The following SLC15A1 variants were observed in gnomAD, a reference collection of about 807,000 sequenced individuals.
SLC15A1 encodes the protein solute carrier family 15 member 1, also known as Caco-2 oligopeptide transporter.
SLC15A1 carries 83 observed loss-of-function variants against 92.9 expected under a neutral mutation model. That is an observed-to-expected ratio of 0.89 (90% CI 0.75 to 1.07). The LOEUF (loss-of-function observed/expected upper bound fraction) is 1.07. SLC15A1 is among the 50% of genes least tolerant of loss of function. SLC15A1 has a pLI of 0.00. For synonymous variants in SLC15A1, 322 were observed against 318.2 expected (o/e 1.01, Z -0.13); for missense variants, 857 against 880.1 (o/e 0.97, Z 0.33).
intron 10 of SLC15A1, 127 bp from the exon 11 acceptor site, chr13:98,712,070 T>A: frequency 1.5e-6 from 1 of 685,358 alleles, no homozygotes; most frequent in East Asian, 2.6e-5. Context: ...TGGGAGGTGA[T>A]TAATCCAAAA....
intron 21 of SLC15A1, 148 bp downstream of exon 21, chr13:98,687,433 C>T: frequency 2.2e-6 from 2 of 907,854 alleles, no homozygotes; most frequent in South Asian, 1.7e-5. Flanking sequence ...CACTTGGTGA[C>T]CTCAGAGACC....
intron 1 of SLC15A1, among the ~76,000 whole-genome samples, chr13:98,735,496 G>A (rs78520563): frequency 3.3e-5 from 5 of 152,288 alleles, no homozygotes; most frequent in African/African-American, 7.2e-5. Context: ...GGGCAATCAG[G>A]CAAGAGAAAG....
intron 1 of SLC15A1, among the ~76,000 whole-genome samples, chr13:98,731,885 T>G (rs1018187850): frequency 6.6e-6 from 1 of 152,192 alleles, no homozygotes; most frequent in African/African-American, 2.4e-5. Context: ...GAAGTGTAAA[T>G]CTGAGACTCA....
intron 4 of SLC15A1, among the ~76,000 whole-genome samples, chr13:98,724,708 T>A (rs1468054143): frequency 6.6e-6 from 1 of 152,054 alleles, no homozygotes; most frequent in Admixed American, 6.6e-5. Context: ...CTCCTGACCT[T>A]GTGATCCACC....
intron 1 of SLC15A1, among the ~76,000 whole-genome samples, chr13:98,738,110 G>A (rs1242241357): frequency 1.3e-5 from 2 of 152,190 alleles, no homozygotes; most frequent in Non-Finnish European, 2.9e-5. Flanking sequence ...AAGCAGCAAA[G>A]GATTCAAGAT....
chr13:98,703,459 T>C (rs2088085951), intron 17 of SLC15A1, among the ~76,000 whole-genome samples: 1 of 150,454 alleles, frequency 6.6e-6, no homozygotes, highest in South Asian at 2.1e-4. Flanking sequence ...AGAAGCTCAC[T>C]GAAATGCACT....
intron 15 of SLC15A1, among the ~76,000 whole-genome samples, chr13:98,707,547 A>G (rs2088122434): frequency 6.6e-6 from 1 of 152,174 alleles, no homozygotes; most frequent in Non-Finnish European, 1.5e-5. Flanking sequence ...TGTAAGATGA[A>G]GAGTTCTGAA....
chr13:98,701,675 T>G (rs2088068132), intron 18 of SLC15A1, among the ~76,000 whole-genome samples: 1 of 147,024 alleles, frequency 6.8e-6, no homozygotes, highest in Non-Finnish European at 1.5e-5. Flanking sequence ...TAATTTTTTT[T>G]TTTTTTTTTT....
intron 1 of SLC15A1, among the ~76,000 whole-genome samples, chr13:98,734,448 C>T (rs771035660): frequency 1.3e-5 from 2 of 152,050 alleles, no homozygotes; most frequent in Non-Finnish European, 2.9e-5. Context: ...TGGGTGCAGC[C>T]ACGGAGGGCA....
At chr13:98,701,607 C>A (rs904125086) in intron 18 of SLC15A1, among the ~76,000 whole-genome samples, 4 of 151,704 alleles carry the variant, frequency 2.6e-5, no homozygotes, top group Admixed American at 2.0e-4. Flanking sequence ...CTCAGGTGAT[C>A]CTCCCACCTC....
intron 16 of SLC15A1, 25 bp downstream of exon 16, chr13:98,706,109 A>G: frequency 6.3e-7 from 1 of 1,595,144 alleles, no homozygotes; most frequent in South Asian, 1.1e-5. Context: ...GATGAAAAAG[A>G]AGGCAGCAAT....
Position 98,712,487 on chromosome 13 carries a change from C to G in SLC15A1, c.810+11G>C. On this transcript the variant is annotated intron_variant, in intron 10 of 22. Transcript: ENST00000376503. The stretch of plus-strand genomic sequence containing the variant: ...GGAATCAGGGTCATTGTAGCAATGA[C>G]CGTTACTTACATCGTATTTCTCTTT... The G allele has an allele frequency of 6.3e-7, 1 of 1,598,194 alleles. No individual in the cohort carries two copies. The highest frequency in any genetic ancestry group is 8.6e-7 in the Non-Finnish European group (1 of 1,166,652).
At chr13:98,721,627 T>G in intron 6 of SLC15A1, 42 bp from the exon 7 acceptor site, 1 of 1,427,492 alleles carries the variant, frequency 7.0e-7, no homozygotes, top group Non-Finnish European at 9.7e-7. Flanking sequence ...TGGCTATCAA[T>G]CCACTGAGCA....
chr13:98,719,813 A>C (rs1176405122), intron 7 of SLC15A1, among the ~76,000 whole-genome samples: 4 of 152,212 alleles, frequency 2.6e-5, no homozygotes, highest in African/African-American at 7.2e-5. Flanking sequence ...TCAACTACTT[A>C]ACCCCACCTT....
chr13:98,724,638 A>C (rs2139594679), intron 4 of SLC15A1, among the ~76,000 whole-genome samples: 1 of 152,174 alleles, frequency 6.6e-6, no homozygotes, highest in East Asian at 1.9e-4. Context: ...TGCCCGGCTA[A>C]TTTTTTGTAT....
At chr13:98,684,954 A>C in intron 22 of SLC15A1, 39 bp from the exon 23 acceptor site, 1 of 1,546,242 alleles carries the variant, frequency 6.5e-7, no homozygotes, top group Non-Finnish European at 8.8e-7. Context: ...AAAAGAACAA[A>C]AATAAAACAG....
chr13:98,725,641 T>C (rs1798711053), intron 4 of SLC15A1, among the ~76,000 whole-genome samples: 1 of 152,228 alleles, frequency 6.6e-6, no homozygotes, highest in African/African-American at 2.4e-5. Context: ...TTGCAGTCAC[T>C]AAATGTCAGG....
chr13:98,696,501 A>G (rs1317932760), intron 18 of SLC15A1, among the ~76,000 whole-genome samples: 1 of 152,178 alleles, frequency 6.6e-6, no homozygotes, highest in African/African-American at 2.4e-5. Flanking sequence ...CCCAATATCA[A>G]TTGCTCAAAG....
intron 17 of SLC15A1, 105 bp downstream of exon 17, chr13:98,704,184 T>C: frequency 2.0e-6 from 2 of 1,005,636 alleles, no homozygotes; most frequent in Non-Finnish European, 2.8e-6. Flanking sequence ...TTGAGGATGA[T>C]CTAATATAAC....
Sources: gnomAD v4.1 joint callset for allele counts (sites outside exome capture counted in the v4.1 genomes callset) on GRCh38, gnomAD v4.1.1 for gene constraint, MANE v1.5 for transcripts, NCBI Gene and HGNC (gene_info 2026-07-23, HGNC 2026-07-21) for gene names.